The following CDH12 variants were observed in gnomAD, a reference collection of about 807,000 sequenced individuals.
CDH12 encodes the protein cadherin-12.
A neutral mutation model predicts 74.1 loss-of-function variants in CDH12; 41 were observed. The observed-to-expected ratio is 0.55, with a 90% CI of 0.43 to 0.72. The LOEUF (loss-of-function observed/expected upper bound fraction) is 0.72. CDH12 is among the 30% of genes least tolerant of loss of function. The pLI is 0.00. For synonymous variants in CDH12, 399 were observed against 355.0 expected (o/e 1.12, Z -1.39); for missense variants, 945 against 977.2 (o/e 0.97, Z 0.44).
chr5:22,131,110 G>T (rs534650831), intron 4 of CDH12, among the ~76,000 whole-genome samples: 55 of 152,066 alleles, frequency 3.6e-4, no homozygotes, highest in Non-Finnish European at 6.0e-4. Context: ...GAAATTTGGG[G>T]TTTTTCCAGT....
intron 1 of CDH12, among the ~76,000 whole-genome samples, chr5:22,584,091 T>TTTAC (rs1305412904): frequency 6.6e-6 from 1 of 151,106 alleles, no homozygotes; most frequent in East Asian, 1.9e-4. Flanking sequence ...AATTTATTTA[T>TTTAC]TTATTTATTT....
intron 3 of CDH12, among the ~76,000 whole-genome samples, chr5:22,290,130 C>T (rs1386756068): frequency 6.6e-6 from 1 of 152,068 alleles, no homozygotes; most frequent in Non-Finnish European, 1.5e-5. Flanking sequence ...CAGTGCCATG[C>T]CTGCTACAAA....
chr5:21,923,703 AT>A (rs2150074251), intron 6 of CDH12, among the ~76,000 whole-genome samples: 1 of 152,224 alleles, frequency 6.6e-6, no homozygotes, highest in East Asian at 1.9e-4. Flanking sequence ...TAATTCTATT[AT>A]TTTTAATAAG....
At chr5:22,379,983 C>T (rs1741691759) in intron 3 of CDH12, among the ~76,000 whole-genome samples, 1 of 151,852 alleles carries the variant, frequency 6.6e-6, no homozygotes, top group African/African-American at 2.4e-5. Context: ...GGTTTCAAAC[C>T]CCTGGTTTCA....
chr5:22,485,192 T>A (rs1408461891), intron 2 of CDH12, among the ~76,000 whole-genome samples: 1 of 152,070 alleles, frequency 6.6e-6, no homozygotes, highest in South Asian at 2.1e-4. Flanking sequence ...TTCTTTTCTT[T>A]TTTTTTAGAG....
chr5:22,018,034 C>T (rs557352387), intron 5 of CDH12, among the ~76,000 whole-genome samples: 1 of 152,266 alleles, frequency 6.6e-6, no homozygotes, highest in African/African-American at 2.4e-5. Flanking sequence ...GCTGGGATTA[C>T]AGGCATGAGC....
chr5:22,323,699 T>G (rs944622972), intron 3 of CDH12, among the ~76,000 whole-genome samples: 2 of 152,156 alleles, frequency 1.3e-5, no homozygotes, highest in Admixed American at 6.5e-5. Context: ...GAAACATGAT[T>G]AAGAGAAGGA....
chr5:22,745,457 C>T, intron 1 of CDH12, among the ~76,000 whole-genome samples: 1 of 152,062 alleles, frequency 6.6e-6, no homozygotes, highest in East Asian at 1.9e-4. Flanking sequence ...ATTTTGAAGA[C>T]ACATGCATGT....
At chr5:22,193,646 T>C (rs946083779) in intron 4 of CDH12, among the ~76,000 whole-genome samples, 6 of 151,896 alleles carry the variant, frequency 4.0e-5, no homozygotes, top group Non-Finnish European at 7.4e-5. Context: ...TTTTTCTTTG[T>C]AGGTATACAA....
intron 3 of CDH12, among the ~76,000 whole-genome samples, chr5:22,397,425 T>G (rs1381006075): frequency 6.6e-6 from 1 of 152,024 alleles, no homozygotes; most frequent in Non-Finnish European, 1.5e-5. Flanking sequence ...CATTGCAATT[T>G]ACATTTGAAA....
chr5:21,780,077 T>C (rs1383197951), intron 11 of CDH12, among the ~76,000 whole-genome samples: 1 of 152,194 alleles, frequency 6.6e-6, no homozygotes, highest in African/African-American at 2.4e-5. Flanking sequence ...GTATCACTCT[T>C]AGATTGTGCA....
At chr5:21,946,378 T>G (rs1755580016) in intron 6 of CDH12, among the ~76,000 whole-genome samples, 1 of 152,178 alleles carries the variant, frequency 6.6e-6, no homozygotes, top group Non-Finnish European at 1.5e-5. Context: ...TCTGTTAAGT[T>G]TTTAAGCCAT....
intron 3 of CDH12, among the ~76,000 whole-genome samples, chr5:22,338,291 G>A (rs1016895503): frequency 2.6e-5 from 4 of 152,108 alleles, no homozygotes; most frequent in Non-Finnish European, 5.9e-5. Context: ...AGAACTGGAG[G>A]TGATTATATT....
chr5:22,615,869 T>G (rs1580819062), intron 1 of CDH12, among the ~76,000 whole-genome samples: 1 of 151,992 alleles, frequency 6.6e-6, no homozygotes, highest in Non-Finnish European at 1.5e-5. Context: ...TTTGAGGGGG[T>G]AGATCATCCA....
chr5:22,399,397 C>T (rs1426354108), intron 3 of CDH12, among the ~76,000 whole-genome samples: 1 of 152,026 alleles, frequency 6.6e-6, no homozygotes, highest in Non-Finnish European at 1.5e-5. Flanking sequence ...AAAACGTAAT[C>T]AAATAATATT....
intron 5 of CDH12, among the ~76,000 whole-genome samples, chr5:22,002,411 A>C (rs1167899919): frequency 6.6e-6 from 1 of 152,116 alleles, no homozygotes; most frequent in Non-Finnish European, 1.5e-5. Flanking sequence ...ACTGCTATAA[A>C]GTTTGTATTT....
intron 2 of CDH12, among the ~76,000 whole-genome samples, chr5:22,449,511 T>C (rs1453967900): frequency 6.6e-6 from 1 of 152,124 alleles, no homozygotes; most frequent in Non-Finnish European, 1.5e-5. Flanking sequence ...TTCTTAGATG[T>C]CTACAGACTC....
chr5:22,576,497 G>C (rs1041251255), intron 1 of CDH12, among the ~76,000 whole-genome samples: 6 of 152,142 alleles, frequency 3.9e-5, no homozygotes, highest in African/African-American at 1.4e-4. Flanking sequence ...TAAATATATG[G>C]AGAAATAGAC....
intron 1 of CDH12, among the ~76,000 whole-genome samples, chr5:22,526,755 C>A (rs2126695194): frequency 6.6e-6 from 1 of 152,258 alleles, no homozygotes; most frequent in African/African-American, 2.4e-5. Flanking sequence ...TTCGCAGTCC[C>A]TCCAGAGGTG....
Sources: allele counts gnomAD v4.1 joint callset (sites outside exome capture counted in the v4.1 genomes callset), GRCh38; gene constraint gnomAD v4.1.1; transcripts MANE v1.5; gene names NCBI Gene and HGNC (gene_info 2026-07-23, HGNC 2026-07-21).